The following NDUFS4 variants were observed in gnomAD, a reference collection of about 807,000 sequenced individuals.
NDUFS4 encodes the protein NADH dehydrogenase [ubiquinone] iron-sulfur protein 4, mitochondrial.
In NDUFS4, 28 loss-of-function variants were observed where a neutral mutation model predicts 24.3. The observed-to-expected ratio is 1.15, with a 90% CI of 0.85 to 1.58. The LOEUF (loss-of-function observed/expected upper bound fraction) is 1.58. NDUFS4 is among the 40% of genes most tolerant of loss of function. The pLI, the probability that NDUFS4 is intolerant of heterozygous loss-of-function variation, is 0.00. For missense variants in NDUFS4, 223 were observed against 207.9 expected (o/e 1.07, Z -0.45); for synonymous variants, 93 against 69.7 (o/e 1.34, Z -1.67).
chr5:53,622,386 G>A (rs1751074006), intron 2 of NDUFS4, among the ~76,000 whole-genome samples: 1 of 152,122 alleles, frequency 6.6e-6, no homozygotes, highest in Admixed American at 6.5e-5. Flanking sequence ...CAGCATGGTC[G>A]TTTCTGTTGA....
chr5:53,661,517 G>T lies in NDUFS4; in HGVS notation c.424+2893G>T, dbSNP rs554458965. Among the ~76,000 whole-genome samples, 77 of 152,172 alleles carry T rather than the reference G, an allele frequency of 5.1e-4. 1 individual carries two copies. Among genetic ancestry groups the T allele is most frequent in the African/African-American group, 1.8e-3 (74 of 41,498 alleles). On this transcript the variant is annotated intron_variant, in intron 4 of 4. Coordinates refer to ENST00000296684, the MANE Select transcript of NDUFS4 (RefSeq NM_002495.4). ...TTGGTTCCATATGAAGTTTAAAGTA[G>T]TTTTTTCCAATTCTTTGAAGAAAGT...
At chr5:53,657,267 A>G (rs1029515356) in intron 3 of NDUFS4, among the ~76,000 whole-genome samples, 1 of 152,164 alleles carries the variant, frequency 6.6e-6, no homozygotes, top group South Asian at 2.1e-4. Flanking sequence ...GGAGGAACCA[A>G]TATAAAATTA....
intron 3 of NDUFS4, among the ~76,000 whole-genome samples, chr5:53,651,372 A>G (rs1752010770): frequency 6.6e-6 from 1 of 151,906 alleles, no homozygotes; most frequent in Admixed American, 6.6e-5. Flanking sequence ...TGTAAGCTGA[A>G]GGTTTTTCAT....
intron 1 of NDUFS4, among the ~76,000 whole-genome samples, chr5:53,573,456 CTTTA>C (rs771487578): frequency 3.0e-4 from 45 of 152,062 alleles, no homozygotes; most frequent in Non-Finnish European, 4.9e-4. Context: ...TGGTATGTCT[CTTTA>C]TTTATTTATC....
At chr5:53,623,058 G>A (rs56185221) in intron 2 of NDUFS4, among the ~76,000 whole-genome samples, 65,709 of 152,010 alleles carry the variant, frequency 0.43, 14,877 homozygotes, top group Admixed American at 0.51. Context: ...TAGGGCTATT[G>A]TAAATAATGC....
intron 2 of NDUFS4, among the ~76,000 whole-genome samples, chr5:53,606,255 C>T (rs193003427): frequency 3.3e-5 from 5 of 152,292 alleles, no homozygotes; most frequent in East Asian, 3.9e-4. Context: ...GCTCATGGTC[C>T]TGCAGGCTGC....
chr5:53,581,580 A>G (rs1044128852), intron 1 of NDUFS4, among the ~76,000 whole-genome samples: 1 of 151,792 alleles, frequency 6.6e-6, no homozygotes, highest in African/African-American at 2.4e-5. Context: ...TGCCTAGACT[A>G]TTTCTTCTGC....
At chr5:53,671,123 GTACACAAGTTCCCCCAT>G (rs1740213624) in intron 4 of NDUFS4, among the ~76,000 whole-genome samples, 2 of 151,956 alleles carry the variant, frequency 1.3e-5, no homozygotes, top group African/African-American at 4.8e-5. Flanking sequence ...ATCTCTATAA[GTACACAAGTTCCCCCAT>G]TAATCATCTG....
chr5:53,664,890 G>A (rs1415437940), intron 4 of NDUFS4, among the ~76,000 whole-genome samples: 1 of 152,206 alleles, frequency 6.6e-6, no homozygotes, highest in Admixed American at 6.5e-5. Flanking sequence ...TTCCTTTGGA[G>A]GAGGAGAAGT....
chr5:53,593,301 C>G (rs541704314), intron 1 of NDUFS4, among the ~76,000 whole-genome samples: 2 of 151,794 alleles, frequency 1.3e-5, no homozygotes, highest in African/African-American at 4.8e-5. Context: ...TTTAAGTTAT[C>G]AAATTTGTGA....
At chr5:53,613,691 T>G (rs1365205761) in intron 2 of NDUFS4, among the ~76,000 whole-genome samples, 3 of 151,826 alleles carry the variant, frequency 2.0e-5, no homozygotes, top group Admixed American at 2.0e-4. Context: ...GAATAGCCTT[T>G]AAGATTGCAG....
intron 2 of NDUFS4, among the ~76,000 whole-genome samples, chr5:53,630,574 A>G (rs1751383340): frequency 6.6e-6 from 1 of 151,488 alleles, no homozygotes; most frequent in African/African-American, 2.4e-5. Context: ...GGCTTTGTTC[A>G]TTTCTTTTCA....
chr5:53,600,285 C>T (rs998011778), intron 1 of NDUFS4, among the ~76,000 whole-genome samples: 7 of 151,322 alleles, frequency 4.6e-5, no homozygotes, highest in Non-Finnish European at 1.0e-4. Flanking sequence ...AGGTGTGAGC[C>T]GGCCCGCCCG....
intron 4 of NDUFS4, among the ~76,000 whole-genome samples, chr5:53,681,148 G>A (rs774985791): frequency 6.6e-6 from 1 of 152,048 alleles, no homozygotes; most frequent in Non-Finnish European, 1.5e-5. Flanking sequence ...AACATTTATT[G>A]AGTGCCTACT....
intron 4 of NDUFS4, among the ~76,000 whole-genome samples, chr5:53,672,839 A>G (rs1387221293): frequency 6.6e-6 from 1 of 152,098 alleles, no homozygotes; most frequent in African/African-American, 2.4e-5. Context: ...ACTTGCCACT[A>G]GATTTAAAAT....
intron 1 of NDUFS4, among the ~76,000 whole-genome samples, chr5:53,594,868 GTGTT>G (rs1473144664): frequency 8.2e-6 from 1 of 121,454 alleles, no homozygotes; most frequent in African/African-American, 3.4e-5. Context: ...ACGTATGTCT[GTGTT>G]TGTGTGTGTG....
At chr5:53,646,099 G>C (rs1751853931) in intron 2 of NDUFS4, 134 bp from the exon 3 acceptor site, 2 of 774,460 alleles carry the variant, frequency 2.6e-6, no homozygotes, top group South Asian at 3.2e-5. Context: ...GAATGGTAGT[G>C]AAATAAGCCA....
chr5:53,658,323 C>G (rs1752223003), intron 3 of NDUFS4, among the ~76,000 whole-genome samples: 1 of 151,892 alleles, frequency 6.6e-6, no homozygotes. Flanking sequence ...CTAACAATGC[C>G]TTTGCAATTA....
At chr5:53,680,327 C>A (rs1740619873) in intron 4 of NDUFS4, among the ~76,000 whole-genome samples, 1 of 152,122 alleles carries the variant, frequency 6.6e-6, no homozygotes, top group Non-Finnish European at 1.5e-5. Context: ...TTTGACCCAG[C>A]CATCCCATTA....
Sources: allele counts gnomAD v4.1 joint callset (sites outside exome capture counted in the v4.1 genomes callset), GRCh38; gene constraint gnomAD v4.1.1; transcripts MANE v1.5; gene names NCBI Gene and HGNC (gene_info 2026-07-23, HGNC 2026-07-21).